ATRX: variants seen among roughly 807,000 people sequenced by gnomAD.
ATRX encodes ATRX chromatin remodeler.
In ATRX, 12 loss-of-function variants were observed where a neutral mutation model predicts 172.6. The ratio of observed to expected loss-of-function variants is 0.07; its 90% CI spans 0.04 to 0.11. The LOEUF is 0.11. Ranked by LOEUF, ATRX falls within the 10% of genes least tolerant of loss-of-function variation. ATRX has a pLI of 1.00. For synonymous variants in ATRX, 674 were observed against 594.7 expected (o/e 1.13, Z -1.94); for missense variants, 1,368 against 1,767.4 (o/e 0.77, Z 4.05).
At position 77,508,495 on chromosome X, in the gene ATRX, G is replaced by T. The variant is rs781817460; in HGVS notation, c.7335C>A (p.Ile2445=). ...HLMMPKPPNL[I]MNPSNYQQID... The stretch of plus-strand genomic sequence containing the variant: ...TCTGCTGGTAGTTAGAAGGATTCAT[G>T]ATCAAATTTGGGGGCTTTGGCATCA... The change falls in exon 35 of 35, where the codon ATC becomes ATA. Residue 2445 remains isoleucine, a synonymous_variant. Coordinates refer to ENST00000373344, the MANE Select transcript of ATRX (RefSeq NM_000489.6). The T allele has an allele frequency of 2.5e-6, 3 of 1,211,644 alleles. No individual in the cohort carries two copies. In the South Asian group the frequency reaches 5.3e-5, roughly 21 times the overall value.
At chrX:77,546,764 G>A (rs2064257663) in intron 30 of ATRX, among the ~76,000 whole-genome samples, 1 of 111,788 alleles carries the variant, frequency 8.9e-6, no homozygotes, top group African/African-American at 3.3e-5. Context: ...GATTAGAGGT[G>A]TGTGCCACTG....
chrX:77,636,343 C>T (rs1391195529), intron 15 of ATRX, among the ~76,000 whole-genome samples: 4 of 111,062 alleles, frequency 3.6e-5, no homozygotes, highest in Non-Finnish European at 7.5e-5. Flanking sequence ...CGAGTTCTCA[C>T]AAGATCCAGT....
chrX:77,585,440 G>A (rs1234814056), intron 27 of ATRX, among the ~76,000 whole-genome samples: 2 of 105,601 alleles, frequency 1.9e-5, no homozygotes, highest in African/African-American at 6.9e-5. Context: ...GCTGGGCGTG[G>A]TAGTGTATGC....
rs2148159386 is a variant in ATRX at position 77,600,574 on chromosome X, A to G, written c.5567-10T>C. The G allele has an allele frequency of 8.3e-7, 1 of 1,209,651 alleles. No individual in the cohort carries two copies. The highest frequency in any genetic ancestry group is 1.1e-6 in the Non-Finnish European group (1 of 893,908). The stretch of plus-strand genomic sequence containing the variant: ...CTATTATTGCCCACACCTGATCAAA[A>G]GAAATATGGTTAAAGACACAAAAAT... On this transcript the variant is annotated splice_polypyrimidine_tract_variant and intron_variant, in intron 22 of 34. Coordinates refer to ENST00000373344, the MANE Select transcript of ATRX (RefSeq NM_000489.6).
At chrX:77,582,697 T>C (rs2065869673) in intron 27 of ATRX, among the ~76,000 whole-genome samples, 1 of 111,860 alleles carries the variant, frequency 8.9e-6, no homozygotes, top group Non-Finnish European at 1.9e-5. Context: ...AAAGAATCAT[T>C]AGTTGCTATT....
intron 34 of ATRX, among the ~76,000 whole-genome samples, chrX:77,511,741 G>T (rs2062876682): frequency 9.0e-6 from 1 of 111,674 alleles, no homozygotes; most frequent in Admixed American, 9.5e-5. Flanking sequence ...TAGTAAGCTT[G>T]AAGACAGGCT....
chrX:77,770,818 A>C (rs1253710678), intron 1 of ATRX, among the ~76,000 whole-genome samples: 4 of 112,373 alleles, frequency 3.6e-5, no homozygotes, highest in African/African-American at 1.3e-4. Flanking sequence ...ATGAGGATGA[A>C]GAAGTCTACA....
intron 21 of ATRX, among the ~76,000 whole-genome samples, chrX:77,618,493 T>C (rs1006694899): frequency 1.8e-5 from 2 of 111,913 alleles, no homozygotes; most frequent in Non-Finnish European, 3.8e-5. Context: ...AGGAACTTCA[T>C]CATAGTAGCT....
intron 1 of ATRX, among the ~76,000 whole-genome samples, chrX:77,760,989 A>AT (rs1366223632): frequency 3.6e-5 from 4 of 112,071 alleles, no homozygotes; most frequent in African/African-American, 1.3e-4. Context: ...TTAAGTAAGG[A>AT]TAAAAACTGA....
intron 28 of ATRX, among the ~76,000 whole-genome samples, chrX:77,565,586 C>T (rs1367113374): frequency 1.8e-5 from 2 of 112,136 alleles, no homozygotes; most frequent in Non-Finnish European, 3.8e-5. Flanking sequence ...CTGGGCACAG[C>T]AGCTCAGGCC....
chrX:77,759,210 T>C (rs1272504228), intron 1 of ATRX, among the ~76,000 whole-genome samples: 1 of 111,602 alleles, frequency 9.0e-6, no homozygotes, highest in Non-Finnish European at 1.9e-5. Context: ...TCGACCAGGA[T>C]GAAGAACTGC....
At chrX:77,516,736 T>C (rs1282576650) in intron 34 of ATRX, among the ~76,000 whole-genome samples, 1 of 111,909 alleles carries the variant, frequency 8.9e-6, no homozygotes, top group South Asian at 3.7e-4. Flanking sequence ...ATAGACCAAA[T>C]AGATATTTAC....
rs782712706 is a variant in ATRX at position 77,715,763 on chromosome X, T to A, written c.133+1368A>T. On this transcript the variant is annotated intron_variant, in intron 2 of 34. Coordinates refer to ENST00000373344, the MANE Select transcript of ATRX (RefSeq NM_000489.6). ...TCTCTAGTCTGATGTTTTTCATCACTTTTTAAAAAATGCTCAGCCCGTATC... is the reference window on the plus strand; with the variant it reads ...TCTCTAGTCTGATGTTTTTCATCACATTTTAAAAAATGCTCAGCCCGTATC... Among the ~76,000 whole-genome samples the A allele has an allele frequency of 5.4e-5, 6 of 111,771 alleles. No individual in the cohort carries two copies. The East Asian group carries it at 1.4e-3, about 26-fold the overall frequency.
rs2148605427 is a variant in ATRX at position 77,683,095 on chromosome X, G to T, written c.2161C>A (p.Gln721Lys). The change falls in exon 9 of 35, where the codon CAA becomes AAA. Residue 721 changes from glutamine (Q) to lysine (K), a missense_variant. By Grantham distance (53) the Gln-to-Lys change is moderately conservative. This residue lies in a region of ATRX where 843 missense variants were observed against 643.1 expected (regional missense o/e 1.31). Coordinates refer to ENST00000373344, the MANE Select transcript of ATRX (RefSeq NM_000489.6). ...PKPNKLPKSKQSETVDQNSDS... is the reference protein window; with the variant it reads ...PKPNKLPKSKKSETVDQNSDS... Reference sequence around the variant, plus strand: ...GAATTTTGATCCACAGTCTCTGATTGCTTAGATTTTGGCAATTTATTAGGC... The same window carrying T: ...GAATTTTGATCCACAGTCTCTGATTTCTTAGATTTTGGCAATTTATTAGGC... The T allele has an allele frequency of 8.3e-7, 1 of 1,210,550 alleles. No homozygotes were observed.
chrX:77,720,007 A>C (rs1232866886), intron 1 of ATRX, among the ~76,000 whole-genome samples: 4 of 112,179 alleles, frequency 3.6e-5, no homozygotes, highest in African/African-American at 1.3e-4. Flanking sequence ...ATCAAATTAG[A>C]ACTCAGGATT....
rs910766544 is a variant in ATRX, at chrX:77,616,226, T to A, written c.5566+387A>T. The A allele has an allele frequency of 1.7e-5, 14 of 840,552 alleles. No individual in the cohort carries two copies. The East Asian group carries it at 1.0e-3, about 62-fold the overall frequency. The allele number at this position is 840,552 out of a possible 1,213,427, so 69.3% of individuals were successfully genotyped here. A position where few individuals can be genotyped will look rare whatever the true frequency, so the allele number is the denominator to read the frequency against. ...TTGCCTTCAACCTTTGTTAATTAAATAACTGAGAAACAAACTCATGAATTT... is the reference window on the plus strand; with the variant it reads ...TTGCCTTCAACCTTTGTTAATTAAAAAACTGAGAAACAAACTCATGAATTT... On this transcript the variant is annotated intron_variant, in intron 22 of 34. Coordinates refer to ENST00000373344, the MANE Select transcript of ATRX (RefSeq NM_000489.6).
intron 7 of ATRX, among the ~76,000 whole-genome samples, chrX:77,685,717 A>G (rs944259712): frequency 8.9e-6 from 1 of 112,109 alleles, no homozygotes; most frequent in Non-Finnish European, 1.9e-5. Context: ...GGAAATGAGT[A>G]TATCAAAGAG....
Position 77,698,930 on chromosome X carries a change from T to C in ATRX, c.134-301A>G, listed in dbSNP as rs781874776. ...TCCCAGCAGAAGAAAATTTAAACTA[T>C]TACACTAAAAATAAAAAACATACTA... On this transcript the variant is annotated intron_variant, in intron 2 of 34. Coordinates refer to ENST00000373344, the MANE Select transcript of ATRX (RefSeq NM_000489.6). 12 of 329,664 alleles carry C rather than the reference T, an allele frequency of 3.6e-5. No individual in the cohort carries two copies. The South Asian group carries it at 3.9e-4, about 11-fold the overall frequency. The allele number at this position is 329,664 out of a possible 1,213,427, so 27.2% of individuals were successfully genotyped here.
At chrX:77,562,701 T>C (rs1188083236) in intron 28 of ATRX, among the ~76,000 whole-genome samples, 1 of 111,145 alleles carries the variant, frequency 9.0e-6, no homozygotes, top group Non-Finnish European at 1.9e-5. Context: ...TGTGCCACCA[T>C]GCCCAGCTAA....
Sources: allele counts gnomAD v4.1 joint callset (sites outside exome capture counted in the v4.1 genomes callset), GRCh38; gene constraint gnomAD v4.1.1; regional missense constraint gnomAD v4.1.1; transcripts MANE v1.5; gene names NCBI Gene and HGNC (gene_info 2026-07-23, HGNC 2026-07-21).